Variants in XPC observed in about 807,000 individuals in gnomAD.
The protein encoded by XPC is DNA repair protein complementing XP-C cells.
In XPC, 76 loss-of-function variants were observed where a neutral mutation model predicts 95.8. The ratio of observed to expected loss-of-function variants is 0.79; its 90% CI spans 0.66 to 0.96. XPC has a LOEUF of 0.96. XPC is among the 40% of genes least tolerant of loss of function. XPC has a pLI of 0.00. For missense variants in XPC, 1,146 were observed against 1,179.8 expected, an observed-to-expected ratio of 0.97 and a Z score of 0.42; for synonymous variants, 442 against 442.1, an observed-to-expected ratio of 1.00 and a Z score of 0.00.
intron 14 of XPC, 54 bp downstream of exon 14, chr3:14,147,854 C>A (rs371166697): frequency 2.0e-6 from 3 of 1,511,102 alleles, no homozygotes; most frequent in East Asian, 2.4e-5. Flanking sequence ...AGAGGCCACC[C>A]GCTGAGTGTT....
chr3:14,157,979 T>C (rs1695986933), intron 9 of XPC, 32 bp downstream of exon 9: 1 of 1,563,722 alleles, frequency 6.4e-7, no homozygotes, highest in African/African-American at 1.4e-5. Flanking sequence ...AACCTGACTG[T>C]GTCTTGGAGC....
intron 4 of XPC, 75 bp from the exon 5 acceptor site, chr3:14,167,328 T>C: frequency 7.8e-7 from 1 of 1,288,184 alleles, no homozygotes; most frequent in Non-Finnish European, 1.1e-6. Context: ...GGCAATTCCT[T>C]CTCCTCGGAT....
At chr3:14,149,050 C>T in intron 11 of XPC, 102 bp from the exon 12 acceptor site, 1 of 1,516,672 alleles carries the variant, frequency 6.6e-7, no homozygotes, top group Non-Finnish European at 9.0e-7. Context: ...ACCTGGTGAA[C>T]CCTCAGAACA....
At chr3:14,177,332 A>C (rs1372118968) in intron 1 of XPC, among the ~76,000 whole-genome samples, 2 of 152,168 alleles carry the variant, frequency 1.3e-5, no homozygotes, top group Non-Finnish European at 2.9e-5. Context: ...AGGCCATTTG[A>C]TATAAGGTAC....
At chr3:14,167,799 C>T (rs1461573926) in intron 4 of XPC, among the ~76,000 whole-genome samples, 1 of 152,118 alleles carries the variant, frequency 6.6e-6, no homozygotes. Context: ...AGAGGTACTC[C>T]GGGATGCTGG....
chr3:14,158,726 T>G lies in XPC; in HGVS notation c.1157A>C (p.Asn386Thr). The G allele has an allele frequency of 6.2e-7, 1 of 1,613,854 alleles. No homozygotes were observed. The highest frequency in any genetic ancestry group is 8.5e-7 in the Non-Finnish European group (1 of 1,179,864). Residue 386 changes from asparagine (N) to threonine (T), a missense_variant, in exon 9 of 16, where the codon AAC becomes ACC. By Grantham distance (65) the Asn-to-Thr change is moderately conservative (BLOSUM62 0). Coordinates refer to ENST00000285021, the MANE Select transcript of XPC (RefSeq NM_004628.5). The surrounding 1 kb of genome is among the most constrained non-coding windows in gnomAD (Gnocchi z 5.2). ...TCRPSAKGKR[N>T]KGGRKKRSKP... is the part of the protein sequence containing the mutation. ...GCTCCGTTTCTTTCTGCCTCCCTTG[T>G]TCCTCTTCCCTTTGGCACTTGGCCT...
At chr3:14,156,827 A>G (rs1695932160) in intron 9 of XPC, among the ~76,000 whole-genome samples, 1 of 152,234 alleles carries the variant, frequency 6.6e-6, no homozygotes, top group Admixed American at 6.5e-5. Context: ...TTCAGTAAGA[A>G]GGTCTTATTT....
chr3:14,156,569 A>G (rs1416413018), intron 9 of XPC, 74 bp from the exon 10 acceptor site: 4 of 1,601,894 alleles, frequency 2.5e-6, no homozygotes, highest in South Asian at 1.1e-5. Flanking sequence ...GATGATCCTT[A>G]GACTAACTTG....
chr3:14,148,516 C>A (rs1399604676), intron 13 of XPC, 46 bp downstream of exon 13: 3 of 1,601,614 alleles, frequency 1.9e-6, no homozygotes, highest in South Asian at 1.1e-5. Context: ...TGGAGCCACC[C>A]CTCCCCATCC....
At chr3:14,167,331 C>T in intron 4 of XPC, 78 bp from the exon 5 acceptor site, 1 of 1,258,468 alleles carries the variant, frequency 7.9e-7, no homozygotes, top group Non-Finnish European at 1.1e-6. Flanking sequence ...AATTCCTTCT[C>T]CTCGGATGAC....
At chr3:14,152,690 C>A in intron 10 of XPC, 1 of 381,924 alleles carries the variant, frequency 2.6e-6, no homozygotes, top group Non-Finnish European at 4.7e-6. Context: ...TTTTCTTCTC[C>A]TCTGCTGTCC....
At chr3:14,168,043 C>A (rs1216793993) in intron 4 of XPC, among the ~76,000 whole-genome samples, 1 of 152,224 alleles carries the variant, frequency 6.6e-6, no homozygotes, top group Non-Finnish European at 1.5e-5. Flanking sequence ...CCTTGGCACA[C>A]AGGAGTTCCC....
chr3:14,152,881 G>A (rs997723469), intron 10 of XPC: 1 of 154,568 alleles, frequency 6.5e-6, no homozygotes, highest in Non-Finnish European at 1.4e-5. Flanking sequence ...GAAGGCTGCA[G>A]AGAAGCCAAC....
At position 14,158,313 on chromosome 3, in the gene XPC, T is replaced by A. The variant is rs779499226; in HGVS notation, c.1570A>T (p.Ser524Cys). Residue 524 changes from serine (S) to cysteine (C), a missense_variant, in exon 9 of 16, where the codon AGC becomes TGC. Physicochemically the swap from Ser to Cys is moderately radical, Grantham distance 112 (BLOSUM62 -1). Transcript: ENST00000285021. The surrounding 1 kb of genome is among the most constrained non-coding windows in gnomAD (Gnocchi z 5.2). ...CSDGEKAEKR[S>C]IAGIDQWLEV... ...AGCCACTGGTCTATACCAGCTATGC[T>A]TCTTTTTTCTGCCTTCTCACCATCG... 6.2e-7 allele frequency: 1 copy of A among 1,614,014 alleles called. No individual in the cohort carries two copies. The highest frequency in any genetic ancestry group is 1.1e-5 in the South Asian group (1 of 91,084).
In XPC at chr3:14,146,274, G is replaced by A. The variant is rs1041896695; in HGVS notation, c.2605-115C>T. On this transcript the variant is annotated intron_variant, in intron 15 of 15. Coordinates refer to ENST00000285021, the MANE Select transcript of XPC (RefSeq NM_004628.5). ...TGCCCTAAGCTGTGTAACTCTGGGA[G>A]GACAAGGGCATGGGACAGGGCAGGG... 5.9e-5 allele frequency: 57 copies of A among 971,608 alleles called. No individual in the cohort carries two copies. The African/African-American group carries it at 8.2e-4, about 14-fold the overall frequency. The allele number at this position is 971,608 out of a possible 1,614,324, so 60.2% of individuals were successfully genotyped here. A position where few individuals can be genotyped will look rare whatever the true frequency, so the allele number is the denominator to read the frequency against.
chr3:14,152,629 C>A, intron 10 of XPC: 1 of 511,424 alleles, frequency 2.0e-6, no homozygotes, highest in Non-Finnish European at 3.4e-6. Flanking sequence ...ACTTACAAAC[C>A]CTAATCTGCA....
Position 14,156,330 on chromosome 3 carries a change from C to G in XPC, c.2033+5G>C, listed in dbSNP as rs374329989. 1 of 1,608,626 alleles carries G rather than the reference C, an allele frequency of 6.2e-7. No individual in the cohort carries two copies. Among genetic ancestry groups the G allele is most frequent in the South Asian group, 1.1e-5 (1 of 90,500 alleles). ...CCCTGAGGCCAACCAGGCTGCCTCA[C>G]GCACCTGGAGTAGACCGCTTCTCCA... On this transcript the variant is annotated splice_donor_5th_base_variant and intron_variant, in intron 10 of 15. Coordinates refer to ENST00000285021, the MANE Select transcript of XPC (RefSeq NM_004628.5).
chr3:14,148,468 C>G (rs996384963), intron 13 of XPC, 94 bp downstream of exon 13: 5 of 1,518,690 alleles, frequency 3.3e-6, no homozygotes, highest in Non-Finnish European at 4.4e-6. Flanking sequence ...CAGGCCTCAA[C>G]TCCCAGCAGC....
chr3:14,173,952 A>G (rs1696712603), intron 1 of XPC, among the ~76,000 whole-genome samples: 1 of 152,154 alleles, frequency 6.6e-6, no homozygotes, highest in African/African-American at 2.4e-5. Flanking sequence ...ATTAACCTAA[A>G]ATATAAAATT....
Sources: gnomAD v4.1 joint callset for allele counts (sites outside exome capture counted in the v4.1 genomes callset) on GRCh38, gnomAD v4.1.1 for gene constraint, Gnocchi (gnomAD v3.1) non-coding constraint, MANE v1.5 for transcripts, NCBI Gene and HGNC (gene_info 2026-07-23, HGNC 2026-07-21) for gene names.